BTNL8: variants seen among roughly 807,000 people sequenced by gnomAD.
BTNL8 encodes the protein butyrophilin-like protein 8.
A neutral mutation model predicts 36.1 loss-of-function variants in BTNL8; 22 were observed. The ratio of observed to expected loss-of-function variants is 0.61; its 90% CI spans 0.44 to 0.87. The LOEUF is 0.87. Ranked by LOEUF, BTNL8 falls within the 40% of genes least tolerant of loss-of-function variation. BTNL8 has a pLI of 0.00. For missense variants in BTNL8, 526 were observed against 616.9 expected (o/e 0.85, Z 1.56); for synonymous variants, 203 against 235.6 (o/e 0.86, Z 1.27).
chr5:180,903,047 G>C lies in BTNL8; in HGVS notation c.49+3688G>C, dbSNP rs1228635056. ...TCCTTTGGGTATATACCCAGTAATG[G>C]GATGGCTGGGTCAAATGGTATTTCC... is the stretch of plus-strand genomic sequence containing the variant. On this transcript the variant is annotated intron_variant, in intron 1 of 7. Coordinates refer to ENST00000340184, the MANE Select transcript of BTNL8 (RefSeq NM_001040462.3). Among the ~76,000 whole-genome samples, 2 of 118,554 alleles carry C rather than the reference G, an allele frequency of 1.7e-5. 1 individual carries two copies. The highest frequency in any genetic ancestry group is 3.3e-5 in the Non-Finnish European group (2 of 59,902). 77.8% of individuals were successfully genotyped at this position (118,554 alleles called of 152,430 possible).
intron 1 of BTNL8, among the ~76,000 whole-genome samples, chr5:180,901,577 A>G (rs1756822816): frequency 6.6e-6 from 1 of 152,234 alleles, no homozygotes; most frequent in Non-Finnish European, 1.5e-5. Context: ...CTCTGTGCTG[A>G]TCAAGTGGGT....
intron 3 of BTNL8, among the ~76,000 whole-genome samples, chr5:180,919,142 T>A (rs2113801619): frequency 6.6e-6 from 1 of 152,366 alleles, no homozygotes; most frequent in Middle Eastern, 3.4e-3. Flanking sequence ...TTAAATTCTT[T>A]CAGGGCCTGC....
intron 3 of BTNL8, among the ~76,000 whole-genome samples, chr5:180,943,876 T>C (rs1391037421): frequency 6.6e-6 from 1 of 152,236 alleles, no homozygotes; most frequent in Admixed American, 6.5e-5. Flanking sequence ...AAATATGATG[T>C]ATATACAAAA....
Position 180,932,564 on chromosome 5 carries a change from T to C in BTNL8, c.674-14948T>C, listed in dbSNP as rs1289595771. On this transcript the variant is annotated intron_variant, in intron 3 of 7. Transcript: ENST00000340184. ...CAGGGTTTCACCATGTTAGCTAGGA[T>C]GGTCTCGATCTCCTGACCTCGTGAT... is the stretch of plus-strand genomic sequence containing the variant. 2.0e-5 allele frequency among the ~76,000 whole-genome samples: 3 copies of C among 152,266 alleles called. No individual in the cohort carries two copies. In the East Asian group the frequency reaches 5.8e-4, roughly 29 times the overall value.
rs1758596052 is a variant in BTNL8 at position 180,935,320 on chromosome 5, A to G, written c.674-12192A>G. Among the ~76,000 whole-genome samples the G allele has an allele frequency of 6.6e-6, 1 of 152,086 alleles. No homozygotes were observed. The highest frequency in any genetic ancestry group is 1.5e-5 in the Non-Finnish European group (1 of 68,000). ...CCCTTCCACCATCAACATGCCATCCATGGTACCTGGGCTGTTCATGCTGAG... is the reference window on the plus strand; with the variant it reads ...CCCTTCCACCATCAACATGCCATCCGTGGTACCTGGGCTGTTCATGCTGAG... On this transcript the variant is annotated intron_variant, in intron 3 of 7. Transcript: ENST00000340184. This position sits in a 1 kb window ranked among gnomAD's most constrained non-coding sequence, Gnocchi z 4.8.
chr5:180,916,301 A>C (rs950288820), intron 3 of BTNL8, among the ~76,000 whole-genome samples: 5 of 152,224 alleles, frequency 3.3e-5, no homozygotes, highest in African/African-American at 1.2e-4. Context: ...AAAAATTTTT[A>C]AACAATAGCG....
intron 1 of BTNL8, chr5:180,902,352 C>T: frequency 1.3e-6 from 2 of 1,550,456 alleles, no homozygotes; most frequent in South Asian, 1.2e-5. Flanking sequence ...GCAGGTGCTC[C>T]TCAAGATCGA....
intron 3 of BTNL8, among the ~76,000 whole-genome samples, chr5:180,938,735 G>A (rs544417101): frequency 6.6e-6 from 1 of 151,570 alleles, no homozygotes; most frequent in East Asian, 1.9e-4. Flanking sequence ...ACGGGGTTTC[G>A]CCATGTTGGT....
chr5:180,941,914 T>TTTTTTTTTTTTTTTTTTTTTTTTTTTGAG (rs1281454934), intron 3 of BTNL8, among the ~76,000 whole-genome samples: 4 of 150,982 alleles, frequency 2.6e-5, no homozygotes, highest in Non-Finnish European at 4.4e-5. Context: ...TTACTACTCT[T>TTTTTTTTTTTTTTTTTTTTTTTTTTTGAG]ATTCAACAAA....
intron 1 of BTNL8, 133 bp from the exon 2 acceptor site, chr5:180,908,453 G>T: frequency 2.3e-6 from 2 of 851,658 alleles, no homozygotes; most frequent in South Asian, 3.5e-5. Context: ...AGATGGAAAT[G>T]CAGAAATCAC....
Position 180,911,651 on chromosome 5 carries a change from G to C in BTNL8, c.673+37G>C, listed in dbSNP as rs878937428. ...GGGGAGGAGAAGAGAAGGAGGGGTG[G>C]ATGCTTCGGTAACTCAGAGGGAGGA... On this transcript the variant is annotated intron_variant, in intron 3 of 7. Transcript: ENST00000340184. 4 of 1,561,706 alleles carry C rather than the reference G, an allele frequency of 2.6e-6. No homozygotes were observed. The South Asian group carries it at 3.5e-5, about 14-fold the overall frequency.
chr5:180,899,417 A>G (rs1341973053), intron 1 of BTNL8, 58 bp downstream of exon 1: 15 of 1,543,198 alleles, frequency 9.7e-6, no homozygotes, highest in East Asian at 2.2e-5. Context: ...TTTAGCTACA[A>G]TGGTTGCAGC....
chr5:180,909,601 T>C (rs1561929349), intron 2 of BTNL8: 2 of 984,158 alleles, frequency 2.0e-6, no homozygotes, highest in Non-Finnish European at 2.4e-6. Flanking sequence ...TTGACGGGGC[T>C]GGGTGCAGTG....
Position 180,932,440 on chromosome 5 carries a change from G to A in BTNL8, c.674-15072G>A, listed in dbSNP as rs147042887. On this transcript the variant is annotated intron_variant, in intron 3 of 7. Transcript: ENST00000340184. The stretch of plus-strand genomic sequence containing the variant: ...TGGCTCACTGCAAGCTCCCCCTCCC[G>A]GGTTGACGCCATTCTCCTGCCTCAG... Among the ~76,000 whole-genome samples the A allele has an allele frequency of 7.3e-3, 1,114 of 152,230 alleles. 15 individuals are homozygous for A. Among genetic ancestry groups the A allele is most frequent in the African/African-American group, 0.025 (1,041 of 41,508 alleles).
intron 1 of BTNL8, among the ~76,000 whole-genome samples, chr5:180,899,574 C>T (rs758148916): frequency 1.1e-4 from 17 of 152,272 alleles, no homozygotes; most frequent in Middle Eastern, 3.4e-3. Context: ...TGATCGTTGA[C>T]GGGGACACAC....
chr5:180,921,680 C>T (rs569920590), intron 3 of BTNL8, among the ~76,000 whole-genome samples: 16 of 151,744 alleles, frequency 1.1e-4, no homozygotes, highest in African/African-American at 3.9e-4. Flanking sequence ...CACACACACA[C>T]ACACACACAC....
chr5:180,948,448 C>G lies in BTNL8; in HGVS notation c.808+73C>G. ...TCCCTCCCTGATCCACAGTTTGAGC[C>G]TCTGGACGACCCTGGCTGCAGGCTG... On this transcript the variant is annotated intron_variant, in intron 5 of 7. Coordinates refer to ENST00000340184, the MANE Select transcript of BTNL8 (RefSeq NM_001040462.3). 4 of 1,601,642 alleles carry G rather than the reference C, an allele frequency of 2.5e-6. No homozygotes were observed. The South Asian group carries it at 4.4e-5, about 18-fold the overall frequency.
chr5:180,928,492 A>T (rs920915591), intron 3 of BTNL8, among the ~76,000 whole-genome samples: 2 of 152,224 alleles, frequency 1.3e-5, no homozygotes, highest in Admixed American at 1.3e-4. Flanking sequence ...AATAGGCTAA[A>T]TGCCCCAGTT....
At chr5:180,921,704 C>T (rs987063909) in intron 3 of BTNL8, among the ~76,000 whole-genome samples, 28 of 151,194 alleles carry the variant, frequency 1.9e-4, no homozygotes, top group African/African-American at 6.3e-4. Flanking sequence ...CAGACACACA[C>T]ACAATAATTG....
Sources: gnomAD v4.1 joint callset for allele counts (sites outside exome capture counted in the v4.1 genomes callset) on GRCh38, gnomAD v4.1.1 for gene constraint, Gnocchi (gnomAD v3.1) non-coding constraint, MANE v1.5 for transcripts, NCBI Gene and HGNC (gene_info 2026-07-23, HGNC 2026-07-21) for gene names.